Variants in ZNF385D observed in about 807,000 individuals in gnomAD.
ZNF385D encodes zinc finger protein 385D, also known as zinc finger protein 659.
A neutral mutation model predicts 35.8 loss-of-function variants in ZNF385D; 15 were observed. That is an observed-to-expected ratio of 0.42 (90% CI 0.28 to 0.64). The LOEUF (loss-of-function observed/expected upper bound fraction) is 0.64. Ranked by LOEUF, ZNF385D falls within the 30% of genes least tolerant of loss-of-function variation. The pLI is 0.23. For synonymous variants in ZNF385D, 212 were observed against 186.8 expected (o/e 1.13, Z -1.10); for missense variants, 474 against 494.6 (o/e 0.96, Z 0.39).
intron 3 of ZNF385D, among the ~76,000 whole-genome samples, chr3:22,074,284 C>T (rs535251096): frequency 2.0e-5 from 3 of 151,962 alleles, no homozygotes; most frequent in Non-Finnish European, 2.9e-5. Context: ...TTGATTATGT[C>T]GATGCAGAAA....
At chr3:21,958,985 T>C (rs1327593174) in intron 3 of ZNF385D, 2 of 152,188 alleles carry the variant, frequency 1.3e-5, no homozygotes, top group Admixed American at 6.6e-5. Flanking sequence ...AATGCAATAT[T>C]ACAAGATAAC....
rs1700554894 is a variant in ZNF385D at position 21,415,806 on chromosome 3, T to C, written c.*5408A>G. On this transcript the variant is annotated 3_prime_UTR_variant, in exon 8 of 8. Coordinates refer to ENST00000281523, the MANE Select transcript of ZNF385D (RefSeq NM_024697.3). ...TACTCTACCTGATCATATATATTAA[T>C]AGTCAGATTTTACTTCGTTTGACAA... 6.6e-6 allele frequency: 1 copy of C among 152,090 alleles called. No homozygotes were observed. The highest frequency in any genetic ancestry group is 2.4e-5 in the African/African-American group (1 of 41,428). The allele number at this position is 152,090 out of a possible 1,614,324, so 9.4% of individuals were successfully genotyped here. A position where few individuals can be genotyped will look rare whatever the true frequency, so the allele number is the denominator to read the frequency against.
At chr3:22,278,466 T>C (rs1284406735) in intron 2 of ZNF385D, among the ~76,000 whole-genome samples, 1 of 152,172 alleles carries the variant, frequency 6.6e-6, no homozygotes, top group East Asian at 1.9e-4. Flanking sequence ...GCTCACTCTC[T>C]TTTCTGTCCA....
intron 3 of ZNF385D, among the ~76,000 whole-genome samples, chr3:21,935,007 T>C (rs1005878461): frequency 3.9e-5 from 6 of 152,204 alleles, no homozygotes; most frequent in Admixed American, 3.9e-4. Flanking sequence ...TGGTACTTAG[T>C]GCATTGGTAG....
chr3:21,656,475 A>G (rs1377149012), intron 2 of ZNF385D, among the ~76,000 whole-genome samples: 1 of 151,874 alleles, frequency 6.6e-6, no homozygotes, highest in African/African-American at 2.4e-5. Context: ...CTTCAATGCA[A>G]GTCTCTGTGT....
chr3:21,555,645 G>C (rs1005784777), intron 3 of ZNF385D, among the ~76,000 whole-genome samples: 2 of 152,132 alleles, frequency 1.3e-5, no homozygotes, highest in Non-Finnish European at 2.9e-5. Flanking sequence ...CCAAGTCTTT[G>C]CTATTGTGAA....
At chr3:21,879,077 A>G (rs1698134329) in intron 3 of ZNF385D, among the ~76,000 whole-genome samples, 1 of 152,024 alleles carries the variant, frequency 6.6e-6, no homozygotes, top group East Asian at 1.9e-4. Flanking sequence ...ATACTTCTCA[A>G]GTTTGTAAAA....
chr3:21,729,686 G>T (rs1289502379), intron 1 of ZNF385D, among the ~76,000 whole-genome samples: 1 of 152,122 alleles, frequency 6.6e-6, no homozygotes, highest in Non-Finnish European at 1.5e-5. Flanking sequence ...GAGAGGTTTA[G>T]AAAGACAGCA....
At chr3:21,823,097 C>CTCCATA (rs140796991) in intron 3 of ZNF385D, among the ~76,000 whole-genome samples, 1 of 151,962 alleles carries the variant, frequency 6.6e-6, no homozygotes, top group Non-Finnish European at 1.5e-5. Flanking sequence ...TATTGTCATA[C>CTCCATA]TGTATACATA....
intron 4 of ZNF385D, among the ~76,000 whole-genome samples, chr3:21,453,203 A>G (rs1702571380): frequency 6.6e-6 from 1 of 151,688 alleles, no homozygotes; most frequent in Non-Finnish European, 1.5e-5. Flanking sequence ...CCCCTGCCTC[A>G]CACCGCATGT....
At chr3:22,369,296 C>T (rs924980682) in intron 2 of ZNF385D, among the ~76,000 whole-genome samples, 1 of 152,036 alleles carries the variant, frequency 6.6e-6, no homozygotes, top group South Asian at 2.1e-4. Context: ...ATGAAACAAA[C>T]ATTTTTAAAA....
chr3:22,138,042 A>C (rs1044856062), intron 3 of ZNF385D, among the ~76,000 whole-genome samples: 1 of 152,318 alleles, frequency 6.6e-6, no homozygotes. Context: ...AGAGAGCCAA[A>C]TCATGAGTGA....
At chr3:21,861,619 A>G (rs1697058036) in intron 3 of ZNF385D, among the ~76,000 whole-genome samples, 1 of 152,152 alleles carries the variant, frequency 6.6e-6, no homozygotes, top group Non-Finnish European at 1.5e-5. Context: ...GCCAGATGGC[A>G]TATAGGGAGA....
intron 3 of ZNF385D, among the ~76,000 whole-genome samples, chr3:21,826,369 C>T (rs1459584165): frequency 1.3e-5 from 2 of 152,090 alleles, no homozygotes; most frequent in Non-Finnish European, 2.9e-5. Context: ...GCACAGTGGC[C>T]CTGTTCAGTG....
rs1698425693 is a variant in ZNF385D at position 22,037,734 on chromosome 3, TG to T, written c.325+131082del. Among the ~76,000 whole-genome samples the T allele has an allele frequency of 7.2e-5, 11 of 152,284 alleles. No individual in the cohort carries two copies. In the South Asian group the frequency reaches 2.3e-3, roughly 32 times the overall value. ...TTAATTAGATCCCATTTGTCAATTT[TG>T]GCTTTTGTTGTCATTGCTTTTGGTG... is the stretch of plus-strand genomic sequence containing the variant. On this transcript the variant is annotated intron_variant, in intron 3 of 5. Transcript: ENST00000494108.
chr3:22,096,978 T>C (rs1279882873), intron 3 of ZNF385D, among the ~76,000 whole-genome samples: 1 of 152,074 alleles, frequency 6.6e-6, no homozygotes, highest in Non-Finnish European at 1.5e-5. Context: ...TCTCTTAGGA[T>C]ATTCACCCTT....
intron 3 of ZNF385D, among the ~76,000 whole-genome samples, chr3:21,764,738 A>G (rs2335509): frequency 0.66 from 100,492 of 152,058 alleles, 34,076 homozygotes; most frequent in African/African-American, 0.82. Flanking sequence ...TGGAGTCAGC[A>G]TGCTGTGTGC....
intron 2 of ZNF385D, among the ~76,000 whole-genome samples, chr3:22,274,914 C>T (rs945370416): frequency 8.6e-5 from 13 of 151,446 alleles, no homozygotes; most frequent in African/African-American, 2.9e-4. Flanking sequence ...CATTTAAGTG[C>T]ATAAAAACTA....
intron 3 of ZNF385D, among the ~76,000 whole-genome samples, chr3:21,765,944 G>A (rs959734317): frequency 1.1e-4 from 17 of 152,044 alleles, no homozygotes; most frequent in Admixed American, 5.2e-4. Context: ...AATTGGAAGG[G>A]ATTCAGTAGA....
Sources: gnomAD v4.1 joint callset for allele counts (sites outside exome capture counted in the v4.1 genomes callset) on GRCh38, gnomAD v4.1.1 for gene constraint, MANE v1.5 for transcripts, NCBI Gene and HGNC (gene_info 2026-07-23, HGNC 2026-07-21) for gene names.